The following IQCM variants were observed in gnomAD, a reference collection of about 807,000 sequenced individuals.
IQCM encodes the protein IQ motif containing M.
A neutral mutation model predicts 57.6 loss-of-function variants in IQCM; 45 were observed. That is an observed-to-expected ratio of 0.78 (90% confidence interval 0.62 to 1.00). IQCM has a LOEUF of 1.00. Ranked by LOEUF, IQCM falls within the 50% of genes least tolerant of loss-of-function variation. IQCM has a pLI of 0.00. For synonymous variants in IQCM, 148 were observed against 158.9 expected (o/e 0.93, Z 0.51); for missense variants, 468 against 511.6 (o/e 0.91, Z 0.82).
intron 12 of IQCM, among the ~76,000 whole-genome samples, chr4:149,544,627 T>C (rs749605183): frequency 5.9e-5 from 9 of 152,132 alleles, no homozygotes; most frequent in Non-Finnish European, 7.4e-5. Context: ...TGGCAACACA[T>C]TTCCTGATTT....
chr4:149,408,465 T>C (rs568605049), intron 13 of IQCM, among the ~76,000 whole-genome samples: 1 of 152,310 alleles, frequency 6.6e-6, no homozygotes, highest in Non-Finnish European at 1.5e-5. Context: ...CTTTTACCTC[T>C]GAATGCCTTT....
intron 5 of IQCM, among the ~76,000 whole-genome samples, chr4:149,703,230 C>A (rs1323604115): frequency 6.6e-6 from 1 of 151,928 alleles, no homozygotes; most frequent in Non-Finnish European, 1.5e-5. Flanking sequence ...AATAAAAGTA[C>A]TCTACTAGAA....
chr4:149,672,348 G>A (rs1309385753), intron 7 of IQCM, among the ~76,000 whole-genome samples: 1 of 152,112 alleles, frequency 6.6e-6, no homozygotes, highest in African/African-American at 2.4e-5. Context: ...GAGGATGTTC[G>A]AACCCATTGC....
chr4:149,813,454 C>A (rs10030841), intron 2 of IQCM, among the ~76,000 whole-genome samples: 14,805 of 151,964 alleles, frequency 0.097, 1,922 homozygotes, highest in African/African-American at 0.29. Flanking sequence ...AAGTACTACA[C>A]CCAAGAAAGC....
chr4:149,428,043 G>C (rs1030917116), intron 13 of IQCM, among the ~76,000 whole-genome samples: 1 of 151,634 alleles, frequency 6.6e-6, no homozygotes. Context: ...TTGTATACTC[G>C]AGCAGATATA....
chr4:149,385,685 C>T (rs1437874439), intron 13 of IQCM, among the ~76,000 whole-genome samples: 1 of 152,078 alleles, frequency 6.6e-6, no homozygotes, highest in African/African-American at 2.4e-5. Flanking sequence ...TCCTATGTCT[C>T]AAGTCAGAAA....
intron 7 of IQCM, among the ~76,000 whole-genome samples, chr4:149,678,558 G>A (rs960478761): frequency 6.6e-6 from 1 of 151,642 alleles, no homozygotes; most frequent in Non-Finnish European, 1.5e-5. Flanking sequence ...AAAAGAAAGA[G>A]ACACTAATGT....
At chr4:149,738,731 T>G (rs1355793363) in intron 3 of IQCM, among the ~76,000 whole-genome samples, 1 of 152,182 alleles carries the variant, frequency 6.6e-6, no homozygotes, top group African/African-American at 2.4e-5. Flanking sequence ...TGAAGTCATG[T>G]GGACATTGAC....
chr4:149,525,283 A>G (rs1215064490), intron 12 of IQCM, among the ~76,000 whole-genome samples: 1 of 151,938 alleles, frequency 6.6e-6, no homozygotes, highest in East Asian at 1.9e-4. Context: ...TTTCACTATA[A>G]AAAAGTATAT....
intron 7 of IQCM, among the ~76,000 whole-genome samples, chr4:149,660,468 C>T (rs1288166355): frequency 2.0e-5 from 3 of 152,034 alleles, no homozygotes; most frequent in African/African-American, 4.8e-5. Context: ...TTGACCCAGC[C>T]ATCCCATTAC....
At chr4:149,410,973 G>T (rs1733344124) in intron 13 of IQCM, among the ~76,000 whole-genome samples, 1 of 151,980 alleles carries the variant, frequency 6.6e-6, no homozygotes, top group African/African-American at 2.4e-5. Flanking sequence ...TTAAATTCTA[G>T]AAAAGAAAAA....
intron 13 of IQCM, among the ~76,000 whole-genome samples, chr4:149,369,840 T>G (rs1233668933): frequency 6.6e-6 from 1 of 152,188 alleles, no homozygotes; most frequent in Non-Finnish European, 1.5e-5. Context: ...AAGCAATATC[T>G]CACCAGAAAG....
At chr4:149,535,255 C>T (rs547463734) in intron 12 of IQCM, among the ~76,000 whole-genome samples, 38 of 151,988 alleles carry the variant, frequency 2.5e-4, no homozygotes, top group South Asian at 8.3e-4. Context: ...ACTATGTTTA[C>T]GATGTTGGAA....
chr4:149,658,848 T>A (rs1759880965), intron 7 of IQCM, among the ~76,000 whole-genome samples: 1 of 152,136 alleles, frequency 6.6e-6, no homozygotes, highest in Non-Finnish European at 1.5e-5. Context: ...TTTACTGAAT[T>A]CATTTATTAG....
chr4:149,511,445 T>C (rs1744406588), intron 12 of IQCM, among the ~76,000 whole-genome samples: 1 of 151,874 alleles, frequency 6.6e-6, no homozygotes. Context: ...GGAAAATCAC[T>C]TGAACCCGGG....
chr4:149,483,032 T>C (rs1741082521), intron 12 of IQCM, among the ~76,000 whole-genome samples: 1 of 151,946 alleles, frequency 6.6e-6, no homozygotes, highest in Non-Finnish European at 1.5e-5. Context: ...CCATTTCTTC[T>C]AAATTTTCCA....
At chr4:149,751,240 C>T (rs1056437737) in intron 2 of IQCM, among the ~76,000 whole-genome samples, 1 of 152,132 alleles carries the variant, frequency 6.6e-6, no homozygotes, top group African/African-American at 2.4e-5. Context: ...AAGCAAGAAT[C>T]CCCCTGATGA....
chr4:149,354,777 A>G (rs879794410), intron 13 of IQCM, among the ~76,000 whole-genome samples: 1 of 152,104 alleles, frequency 6.6e-6, no homozygotes, highest in Non-Finnish European at 1.5e-5. Context: ...ATCTTGTCCA[A>G]TTATTGAAAG....
intron 7 of IQCM, among the ~76,000 whole-genome samples, chr4:149,675,848 C>A (rs1241903305): frequency 6.6e-6 from 1 of 151,946 alleles, no homozygotes; most frequent in African/African-American, 2.4e-5. Context: ...AAGCAGCCAT[C>A]CAGAAAGAGG....
Sources: allele counts gnomAD v4.1 joint callset (sites outside exome capture counted in the v4.1 genomes callset), GRCh38; gene constraint gnomAD v4.1.1; transcripts MANE v1.5; gene names NCBI Gene and HGNC (gene_info 2026-07-23, HGNC 2026-07-21).